The following AFDN variants were observed in gnomAD, a reference collection of about 807,000 sequenced individuals.
The protein encoded by AFDN is afadin.
AFDN carries 68 observed loss-of-function variants against 216.6 expected under a neutral mutation model. That is an observed-to-expected ratio of 0.31 (90% CI 0.26 to 0.38). The LOEUF (loss-of-function observed/expected upper bound fraction) is 0.38. Ranked by LOEUF, AFDN falls within the 10% of genes least tolerant of loss-of-function variation. The probability of loss-of-function intolerance (pLI) is 1.00; values close to 1 mark genes in which losing one functional copy is unlikely to be tolerated. For missense variants in AFDN, 2,136 were observed against 2,342.0 expected, an observed-to-expected ratio of 0.91 and a Z score of 1.82; for synonymous variants, 868 against 853.7, an observed-to-expected ratio of 1.02 and a Z score of -0.29.
intron 1 of AFDN, among the ~76,000 whole-genome samples, chr6:167,837,384 CT>C (rs544869303): frequency 0.015 from 1,893 of 123,984 alleles, 15 homozygotes; most frequent in African/African-American, 0.034. Context: ...GCTTTTCAGG[CT>C]TTTTTTTTTT....
intron 4 of AFDN, among the ~76,000 whole-genome samples, chr6:167,874,769 C>T (rs1785163498): frequency 6.6e-6 from 1 of 151,998 alleles, no homozygotes; most frequent in Non-Finnish European, 1.5e-5. Context: ...GCATTTGCCA[C>T]CACGCTCGGC....
At chr6:167,933,413 G>A (rs1021551804) in intron 23 of AFDN, among the ~76,000 whole-genome samples, 2 of 152,096 alleles carry the variant, frequency 1.3e-5, no homozygotes, top group South Asian at 2.1e-4. Flanking sequence ...TCAGTTTCTC[G>A]CATAAACTGT....
At chr6:167,965,101 A>C (rs987108335) in intron 31 of AFDN, 1 of 1,019,258 alleles carries the variant, frequency 9.8e-7, no homozygotes, top group African/African-American at 1.7e-5. Context: ...CAAGTTAAGA[A>C]CTATGGAAAG....
At position 167,951,974 on chromosome 6, in the gene AFDN, G is replaced by C. The variant is rs748379011; in HGVS notation, c.4620G>C (p.Val1540=). ...AGAAGCAGCAGCAGATGCACATCGT[G>C]GACATGCTGAGCAAGGAGATCCAGG... is the stretch of plus-strand genomic sequence containing the variant. ...KLEKQQQMHI[V]DMLSKEIQEL... The change falls in exon 30 of 34, where the codon GTG becomes GTC. Residue 1540 remains valine, a synonymous_variant. Coordinates refer to ENST00000683244, the MANE Select transcript of AFDN (RefSeq NM_001386888.1). This position sits in a 1 kb window ranked among gnomAD's most constrained non-coding sequence, Gnocchi z 7.1. The C allele has an allele frequency of 1.6e-5, 26 of 1,614,078 alleles. No homozygotes were observed. In the Admixed American group the frequency reaches 2.0e-4, roughly 12 times the overall value.
chr6:167,827,965 T>G (rs1779373741), intron 1 of AFDN: 1 of 152,216 alleles, frequency 6.6e-6, no homozygotes, highest in South Asian at 2.1e-4. Flanking sequence ...GCAAAGCTGC[T>G]GAAAGCGTTC....
intron 9 of AFDN, among the ~76,000 whole-genome samples, chr6:167,895,930 G>A (rs1341988962): frequency 6.6e-6 from 1 of 152,166 alleles, no homozygotes; most frequent in East Asian, 1.9e-4. Context: ...GACTGCCATG[G>A]CTATGGTGCA....
rs1261042594 is a variant in AFDN, at chr6:167,829,059, G to A, written c.105+1822G>A. Reference sequence around the variant, plus strand: ...AAGTTTGCTTTGTACATACACTGAAGCAAAACAAGAATTGAAGGACTTGGA... The same window carrying A: ...AAGTTTGCTTTGTACATACACTGAAACAAAACAAGAATTGAAGGACTTGGA... On this transcript the variant is annotated intron_variant, in intron 1 of 33. Coordinates refer to ENST00000683244, the MANE Select transcript of AFDN (RefSeq NM_001386888.1). Among the ~76,000 whole-genome samples, 7 of 152,132 alleles carry A rather than the reference G, an allele frequency of 4.6e-5. No homozygotes were observed. The South Asian group carries it at 1.2e-3, about 27-fold the overall frequency.
intron 30 of AFDN, chr6:167,952,526 G>A (rs2128694230): frequency 1.0e-6 from 1 of 985,272 alleles, no homozygotes; most frequent in Middle Eastern, 5.2e-4. Flanking sequence ...TTGATCCAGG[G>A]TAGGCAAAAT....
rs115547646 is a variant in AFDN, at chr6:167,949,136, G to A, written c.3831+658G>A. Among the ~76,000 whole-genome samples, 1,314 of 152,348 alleles carry A rather than the reference G, an allele frequency of 8.6e-3. 23 individuals carry two copies. Among genetic ancestry groups the A allele is most frequent in the African/African-American group, 0.03 (1,244 of 41,584 alleles). On this transcript the variant is annotated intron_variant, in intron 29 of 33. Transcript: ENST00000683244. ...GGGTGATGCCAATCTGAGTAGTTAA[G>A]CTGGGGAACGTTATCCAATGTGGTT...
chr6:167,930,307 A>T (rs1000666840), intron 23 of AFDN, among the ~76,000 whole-genome samples: 2 of 152,190 alleles, frequency 1.3e-5, no homozygotes, highest in African/African-American at 4.8e-5. Context: ...CCTAGTGATA[A>T]AAGTTTTCTT....
chr6:167,952,555 T>C (rs913237442), intron 30 of AFDN: 1 of 973,160 alleles, frequency 1.0e-6, no homozygotes, highest in African/African-American at 1.8e-5. Flanking sequence ...CAGGGCCAGA[T>C]TGATACTTTA....
At chr6:167,891,192 ATTATT>A (rs1787527752) in intron 8 of AFDN, among the ~76,000 whole-genome samples, 163 bp downstream of exon 8, 1 of 152,156 alleles carries the variant, frequency 6.6e-6, no homozygotes, top group African/African-American at 2.4e-5. Context: ...TTTCTCTTAA[ATTATT>A]AAAACTTAAG....
chr6:167,904,511 C>T (rs920074213), intron 12 of AFDN, among the ~76,000 whole-genome samples: 7 of 151,976 alleles, frequency 4.6e-5, no homozygotes, highest in Non-Finnish European at 8.8e-5. Flanking sequence ...CACCCAGCCC[C>T]GATTCATATC....
At chr6:167,966,386 T>C (rs957629130) in intron 32 of AFDN, 1 of 949,620 alleles carries the variant, frequency 1.1e-6, no homozygotes, top group African/African-American at 1.7e-5. Flanking sequence ...GCCTTGGAAT[T>C]TGGATGTCAT....
Position 167,914,325 on chromosome 6 carries a change from AT to A in AFDN, c.2204+17del. On this transcript the variant is annotated intron_variant, in intron 17 of 33. Coordinates refer to ENST00000683244, the MANE Select transcript of AFDN (RefSeq NM_001386888.1). ...CAAATGGCATTTAAGTAAGGAACAC[AT>A]TTTTGAAGGCGGCACTACTCTAAAT... The A allele has an allele frequency of 6.2e-7, 1 of 1,613,514 alleles. No homozygotes were observed. Among genetic ancestry groups the A allele is most frequent in the Non-Finnish European group, 8.5e-7 (1 of 1,179,730 alleles).
rs545479854 is a variant in AFDN at position 167,933,968 on chromosome 6, C to T, written c.3099+8877C>T. On this transcript the variant is annotated intron_variant, in intron 23 of 33. Transcript: ENST00000683244. The stretch of plus-strand genomic sequence containing the variant: ...AAGTGATCCAGACCCATCCCCTGCA[C>T]AGGCCAGGACTCTGGGGAGCTTTGT... Among the ~76,000 whole-genome samples, 4 of 152,300 alleles carry T rather than the reference C, an allele frequency of 2.6e-5. No homozygotes were observed. In the South Asian group the frequency reaches 8.3e-4, roughly 32 times the overall value.
chr6:167,910,074 A>G (rs1790197195), intron 13 of AFDN, among the ~76,000 whole-genome samples: 1 of 152,248 alleles, frequency 6.6e-6, no homozygotes, highest in South Asian at 2.1e-4. Flanking sequence ...TAAGCTGAGC[A>G]TTATTCATTG....
chr6:167,878,607 G>GTCTCTCTCTCTCTC (rs10677317), intron 5 of AFDN, among the ~76,000 whole-genome samples: 1 of 149,202 alleles, frequency 6.7e-6, no homozygotes, highest in African/African-American at 2.5e-5. Context: ...CTCTCTCTCT[G>GTCTCTCTCTCTCTC]TCTCTCTCTC....
chr6:167,901,997 G>A (rs1414403208), intron 11 of AFDN, among the ~76,000 whole-genome samples: 1 of 151,330 alleles, frequency 6.6e-6, no homozygotes. Flanking sequence ...GGAGGCTGAG[G>A]CAGGAGTATC....
Sources: gnomAD v4.1 joint callset for allele counts (sites outside exome capture counted in the v4.1 genomes callset) on GRCh38, gnomAD v4.1.1 for gene constraint, Gnocchi (gnomAD v3.1) non-coding constraint, MANE v1.5 for transcripts, NCBI Gene and HGNC (gene_info 2026-07-23, HGNC 2026-07-21) for gene names.